LGALS3: variants seen among roughly 807,000 people sequenced by gnomAD.
LGALS3 encodes the protein galectin 3.
In LGALS3, 18 loss-of-function variants were observed where a neutral mutation model predicts 20.7. That is an observed-to-expected ratio of 0.87 (90% CI 0.60 to 1.29). The LOEUF is 1.29. Among genes scored for constraint, LGALS3 ranks in the 50% most tolerant of loss-of-function variants. The pLI is 0.00. For synonymous variants in LGALS3, 112 were observed against 119.6 expected (o/e 0.94, Z 0.42); for missense variants, 315 against 314.7 (o/e 1.00, Z -0.01).
intron 4 of LGALS3, among the ~76,000 whole-genome samples, chr14:55,141,002 C>G (rs1428894060): frequency 6.6e-6 from 1 of 152,114 alleles, no homozygotes; most frequent in African/African-American, 2.4e-5. Context: ...GAGATGCCTG[C>G]CCCTAAGGTT....
At chr14:55,137,602 C>T (rs1881447474) in intron 2 of LGALS3, 1 of 1,460,780 alleles carries the variant, frequency 6.8e-7, no homozygotes, top group Non-Finnish European at 9.0e-7. Flanking sequence ...CTGGGACTCA[C>T]TCACAGTAAC....
chr14:55,135,431 T>C (rs1881358548), intron 1 of LGALS3, among the ~76,000 whole-genome samples: 1 of 152,150 alleles, frequency 6.6e-6, no homozygotes, highest in Non-Finnish European at 1.5e-5. Flanking sequence ...GAAACACTTC[T>C]GGTCCTATTT....
chr14:55,129,660 C>T lies in LGALS3; in HGVS notation c.-5+360C>T, dbSNP rs1393811234. On this transcript the variant is annotated intron_variant, in intron 1 of 5. Coordinates refer to ENST00000254301, the MANE Select transcript of LGALS3 (RefSeq NM_002306.4). This position sits in a 1 kb window ranked among gnomAD's most constrained non-coding sequence, Gnocchi z 5.3. ...CTGCGGCCCCAGAGTAAGCCCCATCCGGTGACGAGCCGCAGTCTGGTCACC... is the reference window on the plus strand; with the variant it reads ...CTGCGGCCCCAGAGTAAGCCCCATCTGGTGACGAGCCGCAGTCTGGTCACC... Among the ~76,000 whole-genome samples the T allele has an allele frequency of 1.3e-5, 2 of 152,182 alleles. No individual in the cohort carries two copies. The highest frequency in any genetic ancestry group is 4.8e-5 in the African/African-American group (2 of 41,448).
In LGALS3 at chr14:55,138,179, A is replaced by G; in HGVS notation, c.153A>G (p.Pro51=). ...YPGAYPGQAP[P]GAYPGQAPPG... Reference sequence around the variant, plus strand: ...GGGCCTACCCCGGGCAGGCACCCCCAGGGGCTTATCCTGGACAGGCACCTC... The same window carrying G: ...GGGCCTACCCCGGGCAGGCACCCCCGGGGGCTTATCCTGGACAGGCACCTC... Residue 51 remains proline, a synonymous_variant, in exon 3 of 6, where the codon CCA becomes CCG. Coordinates refer to ENST00000254301, the MANE Select transcript of LGALS3 (RefSeq NM_002306.4). 6.2e-7 allele frequency: 1 copy of G among 1,610,922 alleles called. No homozygotes were observed. The highest frequency in any genetic ancestry group is 1.1e-5 in the South Asian group (1 of 90,698).
chr14:55,135,155 A>G (rs1229587637), intron 1 of LGALS3, among the ~76,000 whole-genome samples: 1 of 144,528 alleles, frequency 6.9e-6, no homozygotes, highest in Non-Finnish European at 1.5e-5. Context: ...GACCCTGTCT[A>G]AAAAAAAAAA....
chr14:55,141,510 T>C (rs548620164), intron 4 of LGALS3, among the ~76,000 whole-genome samples: 4 of 152,312 alleles, frequency 2.6e-5, no homozygotes, highest in African/African-American at 9.6e-5. Context: ...GTTAGAGTCA[T>C]TTCACTGGAA....
At position 55,138,374 on chromosome 14, in the gene LGALS3, A is replaced by C; in HGVS notation, c.342+6A>C. The C allele has an allele frequency of 6.2e-7, 1 of 1,612,610 alleles. No homozygotes were observed. The highest frequency in any genetic ancestry group is 8.5e-7 in the Non-Finnish European group (1 of 1,179,932). On this transcript the variant is annotated splice_donor_region_variant and intron_variant, in intron 3 of 5. Transcript: ENST00000254301. Reference sequence around the variant, plus strand: ...GCGCCCCTGCTGGGCCACTGGTGAGATGGCATTCCTTCTTTCATGTACTTG... The same window carrying C: ...GCGCCCCTGCTGGGCCACTGGTGAGCTGGCATTCCTTCTTTCATGTACTTG...
intron 3 of LGALS3, among the ~76,000 whole-genome samples, chr14:55,138,731 A>T (rs1380655336): frequency 6.6e-6 from 1 of 152,222 alleles, no homozygotes; most frequent in East Asian, 1.9e-4. Context: ...CCCATTTCAC[A>T]CATGGGGAAA....
intron 1 of LGALS3, among the ~76,000 whole-genome samples, chr14:55,130,097 C>T (rs531081220): frequency 6.6e-6 from 1 of 152,282 alleles, no homozygotes; most frequent in East Asian, 1.9e-4. Flanking sequence ...CCTGCCCAGA[C>T]TGTCTGTGCC....
At chr14:55,131,017 C>T (rs1881217906) in intron 1 of LGALS3, among the ~76,000 whole-genome samples, 1 of 152,208 alleles carries the variant, frequency 6.6e-6, no homozygotes. Context: ...GTCTCTCATT[C>T]TAAAGATGAT....
chr14:55,144,982 AT>A lies in LGALS3; in HGVS notation c.598-128del, dbSNP rs926261195. ...CCAGACTGGTTTGAAATTAATGGAC[AT>A]TTTTTCCCTTTATTTCAGTTGACAA... On this transcript the variant is annotated intron_variant, in intron 5 of 5. Coordinates refer to ENST00000254301, the MANE Select transcript of LGALS3 (RefSeq NM_002306.4). 562 of 700,404 alleles carry A rather than the reference AT, an allele frequency of 8.0e-4. 2 individuals are homozygous for A. Among genetic ancestry groups the A allele is most frequent in the Non-Finnish European group, 1.1e-3 (458 of 411,666 alleles). 43.4% of individuals were successfully genotyped at this position (700,404 alleles called of 1,614,324 possible).
At chr14:55,130,519 A>AAAG in intron 1 of LGALS3, among the ~76,000 whole-genome samples, 1 of 152,214 alleles carries the variant, frequency 6.6e-6, no homozygotes, top group South Asian at 2.1e-4. Context: ...CTGAGAAGAA[A>AAAG]AAGCTTTCGT....
At chr14:55,138,521 TTG>T in intron 3 of LGALS3, 153 bp downstream of exon 3, 1 of 822,026 alleles carries the variant, frequency 1.2e-6, no homozygotes, top group Non-Finnish European at 2.1e-6. Context: ...ATTGAGCTTA[TTG>T]TGTGTGGTTA....
At position 55,138,238 on chromosome 14, in the gene LGALS3, C is replaced by A. The variant is rs1222413448; in HGVS notation, c.212C>A (p.Pro71His). 1 of 1,612,566 alleles carries A rather than the reference C, an allele frequency of 6.2e-7. No individual in the cohort carries two copies. The highest frequency in any genetic ancestry group is 1.7e-5 in the Admixed American group (1 of 59,982). The change falls in exon 3 of 6, where the codon CCC becomes CAC. Residue 71 changes from proline (P) to histidine (H), a missense_variant. By Grantham distance (77) the Pro-to-His change is moderately conservative. Transcript: ENST00000254301. ...GAYPGAPGAYPGAPAPGVYPG... is the reference protein window; with the variant it reads ...GAYPGAPGAYHGAPAPGVYPG... The stretch of plus-strand genomic sequence containing the variant: ...TACCCTGGAGCACCTGGAGCTTATC[C>A]CGGAGCACCTGCACCTGGAGTCTAC...
Position 55,141,036 on chromosome 14 carries a change from T to C in LGALS3, c.431+673T>C, listed in dbSNP as rs1329486172. Among the ~76,000 whole-genome samples the C allele has an allele frequency of 2.0e-4, 31 of 152,204 alleles. 1 individual carries two copies. Among genetic ancestry groups the C allele is most frequent in the Non-Finnish European group, 2.9e-5 (2 of 68,028 alleles). ...TTAGTGGAACTGTCTCTAGGTCTTA[T>C]GGACAGTACCTAAATGGCACAAATT... On this transcript the variant is annotated intron_variant, in intron 4 of 5. Transcript: ENST00000254301.
rs1356073505 is a variant in LGALS3 at position 55,129,483 on chromosome 14, C to T, written c.-5+183C>T. On this transcript the variant is annotated intron_variant, in intron 1 of 5. Transcript: ENST00000254301. This position sits in a 1 kb window ranked among gnomAD's most constrained non-coding sequence, Gnocchi z 5.3. ...CGGGGCGGCGGGCAGCGATCTGGGC[C>T]CGGGGCAGTCGCCTTTGATTATCGA... 6.6e-6 allele frequency among the ~76,000 whole-genome samples: 1 copy of T among 152,068 alleles called. No homozygotes were observed. The highest frequency in any genetic ancestry group is 1.9e-4 in the East Asian group (1 of 5,160).
rs761577655 is a variant in LGALS3 at position 55,138,284 on chromosome 14, T to C, written c.258T>C (p.Pro86=). 6.2e-7 allele frequency: 1 copy of C among 1,612,708 alleles called. No homozygotes were observed. The highest frequency in any genetic ancestry group is 1.1e-5 in the South Asian group (1 of 91,082). The part of the protein sequence containing the change: ...PGVYPGPPSG[P]GAYPSSGQPS... Reference sequence around the variant, plus strand: ...TCTACCCAGGGCCACCCAGCGGCCCTGGGGCCTACCCATCTTCTGGACAGC... The same window carrying C: ...TCTACCCAGGGCCACCCAGCGGCCCCGGGGCCTACCCATCTTCTGGACAGC... Residue 86 remains proline (P), a synonymous_variant, in exon 3 of 6, where the codon CCT becomes CCC. Transcript: ENST00000254301.
At chr14:55,133,043 A>C (rs1881276595) in intron 1 of LGALS3, among the ~76,000 whole-genome samples, 1 of 152,224 alleles carries the variant, frequency 6.6e-6, no homozygotes, top group Non-Finnish European at 1.5e-5. Context: ...TCACCCAGTT[A>C]GTTTTCTGAC....
Position 55,142,656 on chromosome 14 carries a change from G to A in LGALS3, c.504G>A (p.Arg168=). The change falls in exon 5 of 6, where the codon AGG becomes AGA. Residue 168 remains arginine (R), a synonymous_variant. Coordinates refer to ENST00000254301, the MANE Select transcript of LGALS3 (RefSeq NM_002306.4). The part of the protein sequence containing the change: ...HFNPRFNENN[R]RVIVCNTKLD... The stretch of plus-strand genomic sequence containing the variant: ...ACCCACGCTTCAATGAGAACAACAG[G>A]AGAGTCATTGTTTGCAATACAAAGC... 8.1e-6 allele frequency: 13 copies of A among 1,612,830 alleles called. No homozygotes were observed. Among genetic ancestry groups the A allele is most frequent in the Non-Finnish European group, 1.1e-5 (13 of 1,178,782 alleles).
Sources: gnomAD v4.1 joint callset for allele counts (sites outside exome capture counted in the v4.1 genomes callset) on GRCh38, gnomAD v4.1.1 for gene constraint, Gnocchi (gnomAD v3.1) non-coding constraint, MANE v1.5 for transcripts, NCBI Gene and HGNC (gene_info 2026-07-23, HGNC 2026-07-21) for gene names.